HIVEP3: variants seen among roughly 807,000 people sequenced by gnomAD.
HIVEP3 encodes the protein transcription factor HIVEP3.
Under a neutral mutation model 152.8 loss-of-function variants are expected in HIVEP3, and 49 were observed. The ratio of observed to expected loss-of-function variants is 0.32; its 90% CI spans 0.26 to 0.41. The LOEUF (loss-of-function observed/expected upper bound fraction) is 0.41, where lower values mean the gene tolerates loss of function less well. Among genes scored for constraint, HIVEP3 ranks in the 10% least tolerant of loss-of-function variants. The probability of loss-of-function intolerance (pLI) is 1.00; values close to 1 mark genes in which losing one functional copy is unlikely to be tolerated. For synonymous variants in HIVEP3, 1,269 were observed against 1,289.0 expected (o/e 0.98, Z 0.33); for missense variants, 2,790 against 3,103.3 (o/e 0.90, Z 2.40).
intron 4 of HIVEP3, among the ~76,000 whole-genome samples, chr1:41,577,537 G>A (rs1644344342): frequency 6.6e-6 from 1 of 152,084 alleles, no homozygotes; most frequent in Non-Finnish European, 1.5e-5. Flanking sequence ...GCTACAAAGT[G>A]GACTCTGAAC....
At chr1:41,832,307 C>T (rs1316069838) in intron 1 of HIVEP3, among the ~76,000 whole-genome samples, 1 of 152,164 alleles carries the variant, frequency 6.6e-6, no homozygotes, top group Non-Finnish European at 1.5e-5. Context: ...GTGGGAGGAT[C>T]ACATAAGCCC....
chr1:41,739,271 C>G (rs1178964073), intron 1 of HIVEP3, among the ~76,000 whole-genome samples: 1 of 152,208 alleles, frequency 6.6e-6, no homozygotes, highest in Admixed American at 6.5e-5. Context: ...AAACGGGGAA[C>G]TCCAGGAAGC....
intron 1 of HIVEP3, among the ~76,000 whole-genome samples, chr1:41,881,405 C>T (rs751108054): frequency 3.9e-5 from 6 of 152,130 alleles, no homozygotes; most frequent in Non-Finnish European, 8.8e-5. Context: ...CAATCTGACT[C>T]CAAAATTTCA....
intron 2 of HIVEP3, among the ~76,000 whole-genome samples, chr1:41,700,629 A>G (rs12066675): frequency 0.04 from 6,015 of 152,260 alleles, 390 homozygotes; most frequent in African/African-American, 0.14. Flanking sequence ...ATGCTTGCTT[A>G]AGATTTTCCT....
chr1:41,529,141 TCACA>T (rs1247544511), intron 5 of HIVEP3, among the ~76,000 whole-genome samples: 1 of 33,004 alleles, frequency 3.0e-5, no homozygotes, highest in Non-Finnish European at 5.7e-5. Flanking sequence ...CAACTCACCC[TCACA>T]CACACCCTCA....
At chr1:41,527,648 C>A (rs1643038158) in intron 5 of HIVEP3, among the ~76,000 whole-genome samples, 1 of 113,512 alleles carries the variant, frequency 8.8e-6, no homozygotes. Flanking sequence ...TCCCCACCCT[C>A]ACACACCCGT....
intron 5 of HIVEP3, among the ~76,000 whole-genome samples, chr1:41,548,176 G>A (rs940603695): frequency 6.6e-6 from 1 of 152,210 alleles, no homozygotes; most frequent in Admixed American, 6.5e-5. Flanking sequence ...CCAGAACTGG[G>A]CTGCAGGACT....
chr1:41,766,671 A>G (rs2016887), intron 1 of HIVEP3, among the ~76,000 whole-genome samples: 73,481 of 152,074 alleles, frequency 0.48, 20,161 homozygotes, highest in Non-Finnish European at 0.63. Context: ...TCTGGACAGC[A>G]CCTGCATCAC....
chr1:41,605,465 A>T lies in HIVEP3; in HGVS notation c.-521-20147T>A, dbSNP rs1644810160. Among the ~76,000 whole-genome samples, 3 of 152,304 alleles carry T rather than the reference A, an allele frequency of 2.0e-5. No individual in the cohort carries two copies. The South Asian group carries it at 6.2e-4, about 32-fold the overall frequency. ...AGCGGTACACTTCTGGTTTGTGTAC[A>T]TAACTGTATGTATGTTATACCTCAA... On this transcript the variant is annotated intron_variant, in intron 3 of 8. Transcript: ENST00000372583.
chr1:41,867,682 CTGCCCATACTCATGCGACCT>C (rs1644003314), intron 1 of HIVEP3, among the ~76,000 whole-genome samples: 1 of 152,244 alleles, frequency 6.6e-6, no homozygotes, highest in Non-Finnish European at 1.5e-5. Context: ...AAGGTCTCAC[CTGCCCATACTCATGCGACCT>C]TGTCCACCAT....
Position 41,510,817 on chromosome 1 carries a change from C to T in HIVEP3, c.6855G>A (p.Pro2285=), listed in dbSNP as rs562387162. 2.9e-5 allele frequency: 46 copies of T among 1,612,386 alleles called. No homozygotes were observed. The highest frequency in any genetic ancestry group is 1.8e-4 in the East Asian group (8 of 44,842). The change falls in exon 9 of 9, where the codon CCG becomes CCA. Residue 2285 remains proline, a synonymous_variant. Coordinates refer to ENST00000372583, the MANE Select transcript of HIVEP3 (RefSeq NM_024503.5). ...PKERERTGGG[P]GRPPDWTPHG... is the part of the protein sequence containing the mutation. ...GGGGTGTCCAGTCAGGAGGCCTGCC[C>T]GGGCCTCCGCCGGTCCTCTCCCTCT...
chr1:41,648,784 G>T (rs1377864119), intron 2 of HIVEP3, among the ~76,000 whole-genome samples: 2 of 152,262 alleles, frequency 1.3e-5, no homozygotes, highest in Non-Finnish European at 1.5e-5. Flanking sequence ...CAAAGTCATG[G>T]CCTCTGCCAC....
Position 41,671,086 on chromosome 1 carries a change from G to A in HIVEP3, c.-721+29830C>T, listed in dbSNP as rs943431109. ...ACCCCCAAGCAAAGGCAGCTCCTGC[G>A]GGTGGGGGACAGGCCCCTCCCCACC... On this transcript the variant is annotated intron_variant, in intron 2 of 8. Transcript: ENST00000372583. Among the ~76,000 whole-genome samples, 8 of 152,250 alleles carry A rather than the reference G, an allele frequency of 5.3e-5. No individual in the cohort carries two copies. In the South Asian group the frequency reaches 6.2e-4, roughly 12 times the overall value.
chr1:41,798,101 G>A (rs1384638542), intron 1 of HIVEP3, among the ~76,000 whole-genome samples: 1 of 152,080 alleles, frequency 6.6e-6, no homozygotes, highest in Non-Finnish European at 1.5e-5. Flanking sequence ...AGAACACTTG[G>A]ACACAGGAAG....
At chr1:42,033,089 T>C (rs1033042351) in intron 1 of HIVEP3, among the ~76,000 whole-genome samples, 1 of 152,054 alleles carries the variant, frequency 6.6e-6, no homozygotes, top group African/African-American at 2.4e-5. Context: ...ACTGGATACA[T>C]GGTGGAGGGA....
intron 1 of HIVEP3, among the ~76,000 whole-genome samples, chr1:41,997,322 C>T (rs1645401424): frequency 6.6e-6 from 1 of 152,172 alleles, no homozygotes; most frequent in African/African-American, 2.4e-5. Context: ...CACGCCTTTC[C>T]TGTTGTGGCT....
At chr1:41,597,805 G>C (rs1207865717) in intron 3 of HIVEP3, among the ~76,000 whole-genome samples, 5 of 152,090 alleles carry the variant, frequency 3.3e-5, no homozygotes, top group African/African-American at 7.2e-5. Context: ...GAAAAGTATC[G>C]ACAGTGTTTA....
Position 41,510,635 on chromosome 1 carries a change from G to T in HIVEP3, c.7037C>A (p.Thr2346Asn). 6.5e-7 allele frequency: 1 copy of T among 1,544,316 alleles called. No homozygotes were observed. Among genetic ancestry groups the T allele is most frequent in the Non-Finnish European group, 8.7e-7 (1 of 1,143,426 alleles). ...RAPTNPEPSA[T>N]PPLDRSSSVG... ...AGAGCTGCTGCGGTCCAGCGGCGGG[G>T]TGGCAGAAGGCTCGGGGTTGGTCGG... Residue 2346 changes from threonine to asparagine, a missense_variant, in exon 9 of 9, where the codon ACC becomes AAC. Physicochemically the swap from Thr to Asn is moderately conservative, Grantham distance 65. Transcript: ENST00000372583.
chr1:41,529,670 CCA>C (rs1183906340), intron 5 of HIVEP3, among the ~76,000 whole-genome samples: 30 of 148,406 alleles, frequency 2.0e-4, no homozygotes, highest in African/African-American at 6.0e-4. Context: ...CTACACACTC[CCA>C]CAACCACACT....
Sources: gnomAD v4.1 joint callset for allele counts (sites outside exome capture counted in the v4.1 genomes callset) on GRCh38, gnomAD v4.1.1 for gene constraint, MANE v1.5 for transcripts, NCBI Gene and HGNC (gene_info 2026-07-23, HGNC 2026-07-21) for gene names.